The following CMSS1 variants were observed in gnomAD, a reference collection of about 807,000 sequenced individuals.
The protein encoded by CMSS1 is cms1 ribosomal small subunit homolog, also known as protein CMSS1.
In CMSS1, 33 loss-of-function variants were observed where a neutral mutation model predicts 43.5. The observed-to-expected ratio is 0.76, with a 90% CI of 0.57 to 1.01. CMSS1 has a LOEUF of 1.01. CMSS1 is among the 50% of genes least tolerant of loss of function. CMSS1 has a pLI of 0.00. For synonymous variants in CMSS1, 115 were observed against 117.2 expected (o/e 0.98, Z 0.12); for missense variants, 313 against 326.4 (o/e 0.96, Z 0.32).
At chr3:99,876,370 C>T (rs1705521799) in intron 1 of CMSS1, among the ~76,000 whole-genome samples, 1 of 151,240 alleles carries the variant, frequency 6.6e-6, no homozygotes, top group Non-Finnish European at 1.5e-5. Flanking sequence ...CGGCTCCCAG[C>T]GGAGGGAATG....
chr3:99,912,282 G>A (rs1014644588), intron 1 of CMSS1, among the ~76,000 whole-genome samples: 1 of 152,172 alleles, frequency 6.6e-6, no homozygotes, highest in Non-Finnish European at 1.5e-5. Flanking sequence ...TATGTGAAAT[G>A]CCCAGAATAG....
chr3:100,068,967 A>G (rs952876213), intron 1 of CMSS1, among the ~76,000 whole-genome samples: 1 of 152,188 alleles, frequency 6.6e-6, no homozygotes, highest in African/African-American at 2.4e-5. Flanking sequence ...AAATAGAGGG[A>G]CATGACAGTG....
chr3:99,892,923 T>C (rs1706131083), intron 1 of CMSS1, among the ~76,000 whole-genome samples: 1 of 152,206 alleles, frequency 6.6e-6, no homozygotes, highest in Admixed American at 6.5e-5. Context: ...TATTGGCCTG[T>C]ATTTTTCTTC....
At chr3:100,132,992 T>A (rs751774471) in intron 1 of CMSS1, among the ~76,000 whole-genome samples, 1 of 152,152 alleles carries the variant, frequency 6.6e-6, no homozygotes, top group Admixed American at 6.5e-5. Context: ...TGATGACTTA[T>A]AAATTGACCC....
intron 1 of CMSS1, among the ~76,000 whole-genome samples, chr3:100,003,983 T>C (rs1709916154): frequency 6.6e-6 from 1 of 151,956 alleles, no homozygotes; most frequent in Non-Finnish European, 1.5e-5. Context: ...AAATGGACGG[T>C]GTATATTGAT....
intron 1 of CMSS1, chr3:99,930,940 C>A: frequency 1.2e-6 from 2 of 1,613,534 alleles, no homozygotes; most frequent in Non-Finnish European, 1.7e-6. Flanking sequence ...TGTTTTTAGG[C>A]CCTTGGAAAC....
chr3:100,085,264 G>A (rs941360694), intron 1 of CMSS1, among the ~76,000 whole-genome samples: 10 of 152,186 alleles, frequency 6.6e-5, no homozygotes, highest in African/African-American at 2.2e-4. Flanking sequence ...GCTTATTATT[G>A]TAGATAGTGT....
intron 2 of CMSS1, among the ~76,000 whole-genome samples, chr3:100,154,652 C>A (rs575878569): frequency 6.6e-6 from 1 of 151,790 alleles, no homozygotes; most frequent in South Asian, 2.1e-4. Flanking sequence ...TTATTTTTAC[C>A]AACCTAATAA....
chr3:99,988,186 C>CAT lies in CMSS1; in HGVS notation c.65-158782_65-158781dup, dbSNP rs528026275. On this transcript the variant is annotated intron_variant, in intron 1 of 9. Transcript: ENST00000421999. Reference sequence around the variant, plus strand: ...TCTTTTATCTTTATTTTAATCCAACCATATATTCTTTTTAGAAAGTCTGAA... The same window carrying CAT: ...TCTTTTATCTTTATTTTAATCCAACCATATATATTCTTTTTAGAAAGTCTGAA... 1.1e-3 allele frequency among the ~76,000 whole-genome samples: 172 copies of CAT among 151,654 alleles called. 1 individual carries two copies. Among genetic ancestry groups the CAT allele is most frequent in the African/African-American group, 3.8e-3 (156 of 41,386 alleles).
At chr3:100,058,054 G>T (rs2065495739) in intron 1 of CMSS1, among the ~76,000 whole-genome samples, 1 of 152,146 alleles carries the variant, frequency 6.6e-6, no homozygotes, top group Admixed American at 6.5e-5. Flanking sequence ...AGTAATCCCA[G>T]GCAATATGCA....
chr3:100,113,450 A>G (rs2066523810), intron 1 of CMSS1, among the ~76,000 whole-genome samples: 1 of 152,248 alleles, frequency 6.6e-6, no homozygotes, highest in African/African-American at 2.4e-5. Flanking sequence ...CAAAAACCTT[A>G]TCTCAGAAAC....
chr3:99,968,829 T>C (rs1056299929), intron 1 of CMSS1, among the ~76,000 whole-genome samples: 4 of 152,096 alleles, frequency 2.6e-5, no homozygotes, highest in Non-Finnish European at 5.9e-5. Flanking sequence ...CAGAATGACA[T>C]TGTGTCTTGT....
intron 1 of CMSS1, among the ~76,000 whole-genome samples, chr3:100,060,509 T>TA (rs921239016): frequency 1.3e-5 from 2 of 150,088 alleles, no homozygotes; most frequent in African/African-American, 4.9e-5. Flanking sequence ...AAAAAAAAAA[T>TA]ACATAAAAAT....
At chr3:100,089,851 A>G (rs988999231) in intron 1 of CMSS1, among the ~76,000 whole-genome samples, 2 of 152,162 alleles carry the variant, frequency 1.3e-5, no homozygotes, top group African/African-American at 4.8e-5. Context: ...TTTGCCACCT[A>G]CTAGTTCAGT....
At chr3:100,165,404 T>C (rs769173612) in intron 4 of CMSS1, among the ~76,000 whole-genome samples, 9 of 152,102 alleles carry the variant, frequency 5.9e-5, no homozygotes, top group African/African-American at 9.7e-5. Context: ...ATCCAAACTC[T>C]ATTTTCATAT....
At chr3:99,851,225 G>C (rs535018367) in intron 1 of CMSS1, 16 of 581,334 alleles carry the variant, frequency 2.8e-5, no homozygotes, top group African/African-American at 3.9e-5. Flanking sequence ...TGATGACAGA[G>C]GAAAATCTTG....
intron 1 of CMSS1, among the ~76,000 whole-genome samples, chr3:99,883,458 T>C (rs922524585): frequency 6.6e-6 from 1 of 152,228 alleles, no homozygotes; most frequent in Non-Finnish European, 1.5e-5. Flanking sequence ...GATTATTTCA[T>C]CATGATTATT....
At chr3:99,988,940 CTGTACGGAAT>C (rs1403245441) in intron 1 of CMSS1, among the ~76,000 whole-genome samples, 1 of 152,158 alleles carries the variant, frequency 6.6e-6, no homozygotes, top group African/African-American at 2.4e-5. Flanking sequence ...TTTCAAATTT[CTGTACGGAAT>C]TATCAGAAGT....
At position 99,924,723 on chromosome 3, in the gene CMSS1, C is replaced by T. The variant is rs557189593; in HGVS notation, c.64+106680C>T. Among the ~76,000 whole-genome samples, 303 of 152,180 alleles carry T rather than the reference C, an allele frequency of 2.0e-3. 1 individual carries two copies. The highest frequency in any genetic ancestry group is 6.8e-3 in the African/African-American group (284 of 41,530). On this transcript the variant is annotated intron_variant, in intron 1 of 9. Coordinates refer to ENST00000421999, the MANE Select transcript of CMSS1 (RefSeq NM_032359.4). Reference sequence around the variant, plus strand: ...TTTTAGTAGAGACAGGGTTTCTCCACGTTGGTCAGGCTGGTCTTGAACTCC... The same window carrying T: ...TTTTAGTAGAGACAGGGTTTCTCCATGTTGGTCAGGCTGGTCTTGAACTCC...
Sources: allele counts gnomAD v4.1 joint callset (sites outside exome capture counted in the v4.1 genomes callset), GRCh38; gene constraint gnomAD v4.1.1; transcripts MANE v1.5; gene names NCBI Gene and HGNC (gene_info 2026-07-23, HGNC 2026-07-21).